Variants in DTNA observed in about 807,000 individuals in gnomAD.
The protein encoded by DTNA is dystrophin-related protein 3.
DTNA carries 43 observed loss-of-function variants against 100.7 expected under a neutral mutation model. The observed-to-expected ratio is 0.43, with a 90% CI of 0.33 to 0.55. DTNA has a LOEUF of 0.55. DTNA is among the 20% of genes least tolerant of loss of function. DTNA has a pLI of 0.04. For synonymous variants in DTNA, 349 were observed against 347.9 expected, an observed-to-expected ratio of 1.00 and a Z score of -0.04; for missense variants, 798 against 953.9, an observed-to-expected ratio of 0.84 and a Z score of 2.15.
At chr18:34,799,026 G>A (rs2149124732) in intron 4 of DTNA, among the ~76,000 whole-genome samples, 1 of 152,252 alleles carries the variant, frequency 6.6e-6, no homozygotes, top group East Asian at 1.9e-4. Context: ...GCTTATTACA[G>A]GATATTATTC....
At chr18:34,612,753 T>G (rs2054482797) in intron 1 of DTNA, among the ~76,000 whole-genome samples, 1 of 152,200 alleles carries the variant, frequency 6.6e-6, no homozygotes, top group Non-Finnish European at 1.5e-5. Context: ...CTGTAAACAT[T>G]TCCCCACCAA....
intron 1 of DTNA, among the ~76,000 whole-genome samples, chr18:34,655,522 C>G (rs1030392604): frequency 6.6e-6 from 1 of 152,176 alleles, no homozygotes; most frequent in Non-Finnish European, 1.5e-5. Flanking sequence ...AAGAAAAGTT[C>G]TCAGATAAGC....
intron 1 of DTNA, among the ~76,000 whole-genome samples, chr18:34,693,899 T>C (rs892408196): frequency 6.6e-6 from 1 of 152,166 alleles, no homozygotes; most frequent in Admixed American, 6.5e-5. Context: ...TTAGAACATA[T>C]TTATATTTAC....
intron 1 of DTNA, among the ~76,000 whole-genome samples, chr18:34,725,546 C>A (rs537980986): frequency 5.3e-5 from 8 of 152,036 alleles, no homozygotes; most frequent in Admixed American, 3.3e-4. Flanking sequence ...AACCACAATA[C>A]GATACTATCT....
chr18:34,833,547 A>G (rs1245620764), intron 11 of DTNA, among the ~76,000 whole-genome samples: 1 of 152,136 alleles, frequency 6.6e-6, no homozygotes, highest in Middle Eastern at 3.2e-3. Context: ...GTCTGAAGGA[A>G]TATTTCCTGC....
At chr18:34,795,401 A>C (rs1485510089) in intron 4 of DTNA, among the ~76,000 whole-genome samples, 1 of 152,242 alleles carries the variant, frequency 6.6e-6, no homozygotes, top group African/African-American at 2.4e-5. Flanking sequence ...CAATTTTACA[A>C]CTAGCATTCC....
At chr18:34,699,871 A>G (rs1282257307) in intron 1 of DTNA, among the ~76,000 whole-genome samples, 1 of 152,182 alleles carries the variant, frequency 6.6e-6, no homozygotes, top group Non-Finnish European at 1.5e-5. Context: ...AAAACAAAAA[A>G]AAACTTGGCT....
chr18:34,536,600 T>C (rs1191279685), intron 1 of DTNA, among the ~76,000 whole-genome samples: 11 of 151,960 alleles, frequency 7.2e-5, no homozygotes, highest in Non-Finnish European at 1.2e-4. Context: ...CAGTTTGATA[T>C]TAGTTTTACT....
intron 1 of DTNA, among the ~76,000 whole-genome samples, chr18:34,633,709 A>G (rs1322221569): frequency 1.3e-5 from 2 of 152,136 alleles, no homozygotes; most frequent in Admixed American, 6.6e-5. Context: ...ACCCTGTCTG[A>G]CCACCTAACA....
chr18:34,551,983 C>T (rs2045474988), intron 1 of DTNA, among the ~76,000 whole-genome samples: 1 of 151,966 alleles, frequency 6.6e-6, no homozygotes, highest in Admixed American at 6.6e-5. Flanking sequence ...AGAATCTTTC[C>T]CCATGTTGTT....
chr18:34,715,096 T>C (rs1262247777), intron 1 of DTNA, among the ~76,000 whole-genome samples: 2 of 150,756 alleles, frequency 1.3e-5, no homozygotes, highest in South Asian at 2.1e-4. Context: ...TTGGGAGATA[T>C]ACCTAATGCT....
intron 15 of DTNA, among the ~76,000 whole-genome samples, chr18:34,852,693 G>A (rs990889986): frequency 3.3e-5 from 5 of 152,042 alleles, no homozygotes; most frequent in African/African-American, 1.2e-4. Context: ...CCTCCCATGT[G>A]TTCCTCCTGT....
chr18:34,740,145 T>G (rs1358963213), intron 1 of DTNA, among the ~76,000 whole-genome samples: 1 of 152,186 alleles, frequency 6.6e-6, no homozygotes, highest in Non-Finnish European at 1.5e-5. Flanking sequence ...CTAGCTTTTA[T>G]AGGACAGTTT....
chr18:34,890,442 T>G lies in DTNA; in HGVS notation c.*2708T>G, dbSNP rs2150526294. 1 of 1,536,146 alleles carries G rather than the reference T, an allele frequency of 6.5e-7. No homozygotes were observed. Among genetic ancestry groups the G allele is most frequent in the Non-Finnish European group, 8.7e-7 (1 of 1,146,908 alleles). ...ATTTACTTTTGGGGCCTGTTCTAAG[T>G]GCAAACCCAGCAAGTTTCACTTGTC... On this transcript the variant is annotated 3_prime_UTR_variant, in exon 23 of 23. Coordinates refer to ENST00000444659, the MANE Select transcript of DTNA (RefSeq NM_001386795.1).
intron 1 of DTNA, among the ~76,000 whole-genome samples, chr18:34,661,283 G>A (rs1409812962): frequency 6.6e-6 from 1 of 152,174 alleles, no homozygotes; most frequent in African/African-American, 2.4e-5. Context: ...ACTAGACACT[G>A]CTCTAGCTAG....
At chr18:34,597,641 G>T (rs917369475) in intron 1 of DTNA, among the ~76,000 whole-genome samples, 1 of 152,006 alleles carries the variant, frequency 6.6e-6, no homozygotes, top group Non-Finnish European at 1.5e-5. Context: ...ACAAAGCCTC[G>T]ATCTGTTTCT....
chr18:34,742,875 G>T (rs1445778277), intron 1 of DTNA, among the ~76,000 whole-genome samples: 1 of 151,878 alleles, frequency 6.6e-6, no homozygotes, highest in Admixed American at 6.6e-5. Context: ...TGAATCTCAG[G>T]GTCTCTTCCG....
chr18:34,783,893 G>A (rs903125860), intron 3 of DTNA, among the ~76,000 whole-genome samples: 2 of 152,152 alleles, frequency 1.3e-5, no homozygotes, highest in Non-Finnish European at 2.9e-5. Flanking sequence ...TTAACAACTA[G>A]GTAATTTGCA....
At chr18:34,672,016 A>C (rs1405031544) in intron 1 of DTNA, among the ~76,000 whole-genome samples, 1 of 152,158 alleles carries the variant, frequency 6.6e-6, no homozygotes, top group Non-Finnish European at 1.5e-5. Context: ...TTTTTACTTA[A>C]CCTGCAAAAT....
Sources: gnomAD v4.1 joint callset for allele counts (sites outside exome capture counted in the v4.1 genomes callset) on GRCh38, gnomAD v4.1.1 for gene constraint, MANE v1.5 for transcripts, NCBI Gene and HGNC (gene_info 2026-07-23, HGNC 2026-07-21) for gene names.